The following FAM13A variants were observed in gnomAD, a reference collection of about 807,000 sequenced individuals.
The protein encoded by FAM13A is protein FAM13A.
In FAM13A, 76 loss-of-function variants were observed where a neutral mutation model predicts 129.6. The ratio of observed to expected loss-of-function variants is 0.59; its 90% CI spans 0.49 to 0.71. FAM13A has a LOEUF of 0.71. Ranked by LOEUF, FAM13A falls within the 30% of genes least tolerant of loss-of-function variation. FAM13A has a pLI of 0.00. For synonymous variants in FAM13A, 443 were observed against 449.9 expected (o/e 0.98, Z 0.20); for missense variants, 1,108 against 1,249.3 (o/e 0.89, Z 1.70).
chr4:89,003,232 G>A (rs1253669829), intron 3 of FAM13A, among the ~76,000 whole-genome samples: 2 of 148,460 alleles, frequency 1.3e-5, no homozygotes, highest in Non-Finnish European at 2.9e-5. Flanking sequence ...AATAAAGAAT[G>A]GATAAATTAC....
At chr4:88,943,648 G>T (rs114077570) in intron 4 of FAM13A, among the ~76,000 whole-genome samples, 2 of 152,150 alleles carry the variant, frequency 1.3e-5, no homozygotes, top group Non-Finnish European at 2.9e-5. Flanking sequence ...CAGAAAAGAT[G>T]GGAGGAACTC....
intron 6 of FAM13A, among the ~76,000 whole-genome samples, chr4:88,870,624 C>T (rs568024934): frequency 5.4e-4 from 82 of 152,296 alleles, no homozygotes; most frequent in Middle Eastern, 3.4e-3. Flanking sequence ...GTAAACAAAG[C>T]GGCCAGGAAG....
chr4:88,891,882 T>A (rs149342808), intron 6 of FAM13A, among the ~76,000 whole-genome samples: 1 of 152,030 alleles, frequency 6.6e-6, no homozygotes, highest in Admixed American at 6.6e-5. Flanking sequence ...GGAAAACAGA[T>A]ATAAAAACAT....
chr4:88,974,517 G>A (rs531400040), intron 4 of FAM13A, among the ~76,000 whole-genome samples: 19 of 151,870 alleles, frequency 1.3e-4, no homozygotes, highest in African/African-American at 3.6e-4. Flanking sequence ...TCGCTCTGTC[G>A]CCCAGGCTGG....
chr4:89,053,603 T>TA (rs541088601), intron 1 of FAM13A, among the ~76,000 whole-genome samples: 242 of 152,106 alleles, frequency 1.6e-3, no homozygotes, highest in African/African-American at 5.6e-3. Flanking sequence ...GTCCCCAAGT[T>TA]AGAGAGAAAG....
intron 7 of FAM13A, among the ~76,000 whole-genome samples, chr4:88,847,414 A>T (rs1272984710): frequency 2.0e-5 from 3 of 152,138 alleles, no homozygotes; most frequent in Non-Finnish European, 4.4e-5. Context: ...ACTAGAAAAA[A>T]TATAAGAAAT....
intron 19 of FAM13A, among the ~76,000 whole-genome samples, chr4:88,745,376 C>T (rs796922133): frequency 2.6e-5 from 4 of 152,248 alleles, no homozygotes; most frequent in African/African-American, 9.6e-5. Context: ...AATCTGTTCC[C>T]AACTCAGAGC....
intron 3 of FAM13A, among the ~76,000 whole-genome samples, chr4:89,000,975 AAGATG>A (rs1341923756): frequency 6.6e-6 from 1 of 152,276 alleles, no homozygotes; most frequent in African/African-American, 2.4e-5. Context: ...ATCATGTTTC[AAGATG>A]AGTTGTTCTT....
At chr4:89,017,415 T>C (rs1355531436) in intron 3 of FAM13A, among the ~76,000 whole-genome samples, 2 of 152,132 alleles carry the variant, frequency 1.3e-5, no homozygotes, top group African/African-American at 4.8e-5. Context: ...AGGAATCACG[T>C]CATAAAGAAT....
At chr4:88,992,267 C>T (rs946118619) in intron 3 of FAM13A, among the ~76,000 whole-genome samples, 1 of 119,530 alleles carries the variant, frequency 8.4e-6, no homozygotes, top group African/African-American at 3.4e-5. Context: ...ACTTTTTTTT[C>T]TTCTTCTTTT....
intron 4 of FAM13A, among the ~76,000 whole-genome samples, chr4:88,989,250 G>A (rs1762646330): frequency 6.6e-6 from 1 of 151,850 alleles, no homozygotes; most frequent in South Asian, 2.1e-4. Context: ...TTAAACGACT[G>A]ATCTATTAGG....
intron 1 of FAM13A, among the ~76,000 whole-genome samples, chr4:89,052,636 C>T (rs1471926981): frequency 6.6e-6 from 1 of 151,982 alleles, no homozygotes; most frequent in African/African-American, 2.4e-5. Flanking sequence ...TTGGAGAATA[C>T]CTCCTGGCTT....
chr4:88,846,073 A>G (rs1353083198), intron 7 of FAM13A, among the ~76,000 whole-genome samples: 2 of 152,312 alleles, frequency 1.3e-5, no homozygotes, highest in East Asian at 1.9e-4. Flanking sequence ...AAAAACATTT[A>G]ATATTAATCT....
chr4:88,990,910 T>A, intron 4 of FAM13A, 63 bp downstream of exon 4: 1 of 1,266,916 alleles, frequency 7.9e-7, no homozygotes, highest in Non-Finnish European at 1.1e-6. Flanking sequence ...CCCAGTAATT[T>A]CAGACAGTAG....
At chr4:88,748,840 G>A (rs1741933085) in intron 17 of FAM13A, 112 bp downstream of exon 17, 3 of 799,710 alleles carry the variant, frequency 3.8e-6, no homozygotes, top group Admixed American at 3.5e-5. Context: ...GTGCTGGGAA[G>A]CATCTTTAAG....
rs567979395 is a variant in FAM13A, at chr4:88,980,127, A to T, written c.605+10846T>A. 2.0e-5 allele frequency among the ~76,000 whole-genome samples: 3 copies of T among 152,332 alleles called. No homozygotes were observed. The East Asian group carries it at 5.8e-4, about 29-fold the overall frequency. On this transcript the variant is annotated intron_variant, in intron 4 of 23. Transcript: ENST00000264344. ...GAGACATGCCATGATAAACAACAGTAAGTTTTTAAATAAAGGTTATAAAGT... is the reference window on the plus strand; with the variant it reads ...GAGACATGCCATGATAAACAACAGTTAGTTTTTAAATAAAGGTTATAAAGT...
At chr4:88,890,832 T>C (rs1745193654) in intron 6 of FAM13A, among the ~76,000 whole-genome samples, 1 of 152,164 alleles carries the variant, frequency 6.6e-6, no homozygotes. Flanking sequence ...TAACTACAGC[T>C]AGAATATTTT....
chr4:89,038,663 T>G (rs777454279), intron 1 of FAM13A, among the ~76,000 whole-genome samples: 15 of 152,180 alleles, frequency 9.9e-5, no homozygotes, highest in Non-Finnish European at 1.2e-4. Flanking sequence ...TAACATAGTG[T>G]ATTAAAAATC....
chr4:88,836,857 G>A (rs536906269), intron 7 of FAM13A, among the ~76,000 whole-genome samples: 33 of 152,026 alleles, frequency 2.2e-4, no homozygotes, highest in African/African-American at 7.7e-4. Context: ...CTATTTGGGA[G>A]GCTGAGGCAG....
Sources: gnomAD v4.1 joint callset for allele counts (sites outside exome capture counted in the v4.1 genomes callset) on GRCh38, gnomAD v4.1.1 for gene constraint, MANE v1.5 for transcripts, NCBI Gene and HGNC (gene_info 2026-07-23, HGNC 2026-07-21) for gene names.